Variants in NLGN4X observed in about 807,000 individuals in gnomAD.
The protein encoded by NLGN4X is neuroligin-4, X-linked.
A neutral mutation model predicts 40.3 loss-of-function variants in NLGN4X; 3 were observed. The ratio of observed to expected loss-of-function variants is 0.07; its 90% CI spans 0.03 to 0.19. The LOEUF (loss-of-function observed/expected upper bound fraction) is 0.19. NLGN4X is among the 10% of genes least tolerant of loss of function. NLGN4X has a pLI of 1.00. For missense variants in NLGN4X, 382 were observed against 708.3 expected (o/e 0.54, Z 5.23); for synonymous variants, 270 against 306.8 (o/e 0.88, Z 1.25).
chrX:6,063,414 G>A (rs2037822065), intron 2 of NLGN4X, among the ~76,000 whole-genome samples: 1 of 112,135 alleles, frequency 8.9e-6, no homozygotes, highest in Admixed American at 9.5e-5. Flanking sequence ...GAGCCCGGGA[G>A]TTGGAGAGTA....
intron 3 of NLGN4X, among the ~76,000 whole-genome samples, chrX:5,932,912 T>C (rs773307641): frequency 9.0e-6 from 1 of 111,245 alleles, no homozygotes; most frequent in African/African-American, 3.3e-5. Flanking sequence ...CCTGAATAGA[T>C]ATATTACTAA....
chrX:6,193,188 G>A (rs1421555519), intron 1 of NLGN4X, among the ~76,000 whole-genome samples: 4 of 110,972 alleles, frequency 3.6e-5, no homozygotes, highest in South Asian at 3.8e-4. Context: ...CTGGGAGGCC[G>A]AGGTGGGCGG....
intron 3 of NLGN4X, among the ~76,000 whole-genome samples, chrX:5,997,638 GTA>G (rs35364673): frequency 2.0e-3 from 24 of 11,789 alleles, no homozygotes; most frequent in African/African-American, 4.7e-3. Context: ...ATATACACAC[GTA>G]TATATATATA....
At chrX:6,023,770 C>T (rs1176852553) in intron 3 of NLGN4X, among the ~76,000 whole-genome samples, 1 of 112,043 alleles carries the variant, frequency 8.9e-6, no homozygotes, top group Non-Finnish European at 1.9e-5. Context: ...ATACATGAAG[C>T]ATGAAGTCAT....
intron 3 of NLGN4X, among the ~76,000 whole-genome samples, chrX:5,995,276 C>T (rs1403931783): frequency 1.8e-5 from 2 of 112,127 alleles, no homozygotes; most frequent in Non-Finnish European, 3.8e-5. Context: ...CCTCTGTGTG[C>T]GAAGAGCACA....
At chrX:6,073,097 C>T (rs2038108113) in intron 2 of NLGN4X, among the ~76,000 whole-genome samples, 1 of 112,137 alleles carries the variant, frequency 8.9e-6, no homozygotes, top group East Asian at 2.8e-4. Flanking sequence ...TTCCAAAATT[C>T]CATTTGGAAC....
chrX:6,226,015 A>AC (rs1926263018), intron 1 of NLGN4X, among the ~76,000 whole-genome samples: 1 of 98,429 alleles, frequency 1.0e-5, no homozygotes, highest in Non-Finnish European at 2.0e-5. Context: ...CCCCCACCCA[A>AC]CCCCCACCCC....
At chrX:6,085,408 G>A (rs1013433622) in intron 2 of NLGN4X, among the ~76,000 whole-genome samples, 4 of 111,736 alleles carry the variant, frequency 3.6e-5, no homozygotes, top group African/African-American at 9.8e-5. Context: ...AAAGGCAACC[G>A]AATGAGGACT....
At chrX:6,155,271 C>A (rs1158253811) in intron 1 of NLGN4X, among the ~76,000 whole-genome samples, 1 of 111,875 alleles carries the variant, frequency 8.9e-6, no homozygotes, top group Non-Finnish European at 1.9e-5. Context: ...CTTGAGACAT[C>A]CGCTTCCATC....
intron 3 of NLGN4X, among the ~76,000 whole-genome samples, chrX:5,976,200 AT>A (rs2035172366): frequency 8.9e-6 from 1 of 112,066 alleles, no homozygotes; most frequent in Admixed American, 9.5e-5. Context: ...ACACATTCTA[AT>A]TTTTTTGGAT....
chrX:6,210,427 T>A (rs1602427577), intron 1 of NLGN4X, among the ~76,000 whole-genome samples: 1 of 111,082 alleles, frequency 9.0e-6, no homozygotes, highest in Non-Finnish European at 1.9e-5. Context: ...CGAGCTATGA[T>A]TGCATCACTG....
chrX:5,985,452 T>TTTA lies in NLGN4X; in HGVS notation c.625+43827_625+43828insTAA, dbSNP rs1569169443. Among the ~76,000 whole-genome samples the TTTA allele has an allele frequency of 4.1e-3, 449 of 109,564 alleles. 5 individuals carry two copies. Among genetic ancestry groups the TTTA allele is most frequent in the African/African-American group, 0.014 (429 of 30,015 alleles). On this transcript the variant is annotated intron_variant, in intron 3 of 5. Coordinates refer to ENST00000381095, the MANE Select transcript of NLGN4X (RefSeq NM_181332.3). ...ATTTATTTTTTTTATTTATTTATTT[T>TTTA]TTTTTATGTTTCATAGAGATGAGGT... is the stretch of plus-strand genomic sequence containing the variant.
chrX:6,186,859 A>G (rs1412343161), intron 1 of NLGN4X: 1 of 111,766 alleles, frequency 8.9e-6, no homozygotes, highest in Non-Finnish European at 1.9e-5. Context: ...CCATCTAATT[A>G]AATCTTAGAA....
chrX:6,007,220 T>C (rs766234899), intron 3 of NLGN4X, among the ~76,000 whole-genome samples: 5 of 111,502 alleles, frequency 4.5e-5, no homozygotes, highest in African/African-American at 1.6e-4. Context: ...ACTCAGAAAG[T>C]CCAACACTGC....
intron 1 of NLGN4X, among the ~76,000 whole-genome samples, chrX:6,205,605 T>C (rs1923966537): frequency 8.9e-6 from 1 of 112,480 alleles, no homozygotes; most frequent in Non-Finnish European, 1.9e-5. Context: ...ATTCACAAGT[T>C]TGAAGTTGAA....
intron 2 of NLGN4X, among the ~76,000 whole-genome samples, chrX:6,092,119 T>C (rs1166372807): frequency 9.1e-6 from 1 of 109,617 alleles, no homozygotes. Context: ...TGGGAGACCT[T>C]CCCTGAACAA....
At chrX:6,209,717 TAC>T (rs1924390781) in intron 1 of NLGN4X, among the ~76,000 whole-genome samples, 1 of 112,220 alleles carries the variant, frequency 8.9e-6, no homozygotes, top group African/African-American at 3.2e-5. Context: ...ATATCATGCA[TAC>T]ACACACACTC....
At chrX:6,098,544 G>T (rs1226166993) in intron 2 of NLGN4X, among the ~76,000 whole-genome samples, 1 of 110,753 alleles carries the variant, frequency 9.0e-6, no homozygotes, top group African/African-American at 3.3e-5. Context: ...TGTTATTATA[G>T]AAAAGTATCA....
chrX:6,226,124 C>T (rs1452255169), intron 1 of NLGN4X, among the ~76,000 whole-genome samples: 1 of 104,724 alleles, frequency 9.5e-6, no homozygotes, highest in Non-Finnish European at 2.0e-5. Context: ...ACGCGCGCGC[C>T]CAGCACCCGG....
Sources: allele counts gnomAD v4.1 joint callset (sites outside exome capture counted in the v4.1 genomes callset), GRCh38; gene constraint gnomAD v4.1.1; transcripts MANE v1.5; gene names NCBI Gene and HGNC (gene_info 2026-07-23, HGNC 2026-07-21).